The following TTC3 variants were observed in gnomAD, a reference collection of about 807,000 sequenced individuals.
The protein encoded by TTC3 is E3 ubiquitin-protein ligase TTC3.
Under a neutral mutation model 249.6 loss-of-function variants are expected in TTC3, and 180 were observed. That is an observed-to-expected ratio of 0.72 (90% CI 0.64 to 0.82). The LOEUF (loss-of-function observed/expected upper bound fraction) is 0.82, where lower values mean the gene tolerates loss of function less well. TTC3 is among the 40% of genes least tolerant of loss of function. The probability of loss-of-function intolerance (pLI) is 0.00; values close to 1 mark genes in which losing one functional copy is unlikely to be tolerated. For missense variants in TTC3, 2,061 were observed against 2,398.4 expected, an observed-to-expected ratio of 0.86 and a Z score of 2.94; for synonymous variants, 717 against 805.0, an observed-to-expected ratio of 0.89 and a Z score of 1.85.
chr21:37,098,175 C>T (rs2074131492), intron 10 of TTC3: 4 of 377,478 alleles, frequency 1.1e-5, no homozygotes, highest in Non-Finnish European at 1.9e-5. Flanking sequence ...TTGCTACTGG[C>T]TAGGTCCAGA....
intron 34 of TTC3, among the ~76,000 whole-genome samples, chr21:37,168,112 C>G (rs899218700): frequency 6.6e-6 from 1 of 152,194 alleles, no homozygotes; most frequent in African/African-American, 2.4e-5. Context: ...GTCTTATCAA[C>G]TCAAAGTTGC....
exon 6 of TTC3, chr21:37,090,246 T>C: frequency 6.2e-7 from 1 of 1,605,052 alleles, no homozygotes; most frequent in Middle Eastern, 1.7e-4. Context: ...GATTCATTCC[T>C]TATTGGAGGC....
chr21:37,160,502 A>G (rs1188869212), intron 29 of TTC3, among the ~76,000 whole-genome samples: 1 of 152,212 alleles, frequency 6.6e-6, no homozygotes, highest in Non-Finnish European at 1.5e-5. Flanking sequence ...CTATTATGGC[A>G]TCTAACTGGA....
At chr21:37,115,241 G>C (rs2076043501) in intron 11 of TTC3, among the ~76,000 whole-genome samples, 1 of 151,212 alleles carries the variant, frequency 6.6e-6, no homozygotes, top group Admixed American at 6.6e-5. Flanking sequence ...AAATTGTAGG[G>C]ATTTGGTACA....
chr21:37,111,079 G>A (rs969078122), intron 11 of TTC3, among the ~76,000 whole-genome samples: 28 of 152,168 alleles, frequency 1.8e-4, no homozygotes, highest in South Asian at 1.5e-3. Flanking sequence ...AGGAACAACC[G>A]GTACCAGCCA....
chr21:37,198,046 T>G, intron 44 of TTC3, 21 bp downstream of exon 44: 1 of 1,547,012 alleles, frequency 6.5e-7, no homozygotes, highest in African/African-American at 1.4e-5. Context: ...CTGTATAGTT[T>G]TGTTTTTTAA....
intron 15 of TTC3, among the ~76,000 whole-genome samples, chr21:37,126,775 G>A (rs900891796): frequency 6.6e-6 from 1 of 152,114 alleles, no homozygotes; most frequent in East Asian, 1.9e-4. Flanking sequence ...CTTCTTCCCG[G>A]TTCATAGATG....
chr21:37,123,479 A>G (rs188286994), intron 13 of TTC3, among the ~76,000 whole-genome samples: 1 of 152,216 alleles, frequency 6.6e-6, no homozygotes, highest in East Asian at 1.9e-4. Flanking sequence ...GATACTTCCT[A>G]TTAGAAATAG....
chr21:37,142,901 T>C (rs1488009642), intron 20 of TTC3, among the ~76,000 whole-genome samples: 6 of 152,228 alleles, frequency 3.9e-5, no homozygotes, highest in South Asian at 4.1e-4. Flanking sequence ...AACAGAGATA[T>C]AGACCAATGG....
intron 33 of TTC3, among the ~76,000 whole-genome samples, 184 bp from the exon 34 acceptor site, chr21:37,167,371 C>T (rs1793885): frequency 1 from 152,322 of 152,322 alleles, 76,161 homozygotes; most frequent in Non-Finnish European, 1. Flanking sequence ...ATAATCATTT[C>T]CAGATATGCT....
At chr21:37,164,423 C>T (rs2081064290) in intron 32 of TTC3, among the ~76,000 whole-genome samples, 1 of 151,584 alleles carries the variant, frequency 6.6e-6, no homozygotes, top group African/African-American at 2.4e-5. Flanking sequence ...ACTACAACCT[C>T]TGCCTCCCAG....
At chr21:37,201,815 T>C in exon 46 of TTC3, 1 of 528,132 alleles carries the variant, frequency 1.9e-6, no homozygotes. Context: ...TCACTGGGGC[T>C]GCGCAGGGCT....
At chr21:37,182,134 C>T (rs1173186836) in intron 35 of TTC3, among the ~76,000 whole-genome samples, 1 of 152,152 alleles carries the variant, frequency 6.6e-6, no homozygotes, top group Non-Finnish European at 1.5e-5. Flanking sequence ...ATGTGCCCCA[C>T]CCAAACCCCT....
intron 33 of TTC3, 88 bp from the exon 34 acceptor site, chr21:37,167,467 G>T: frequency 2.2e-6 from 2 of 920,740 alleles, no homozygotes; most frequent in Admixed American, 2.7e-5. Context: ...AAAAATTGTG[G>T]GTGTGTTTTA....
chr21:37,124,818 A>G, intron 14 of TTC3, 76 bp downstream of exon 14: 1 of 1,531,914 alleles, frequency 6.5e-7, no homozygotes, highest in Non-Finnish European at 8.8e-7. Flanking sequence ...TTTGGTGGTA[A>G]TAGAAACCAA....
chr21:37,083,250 G>T, intron 1 of TTC3: 1 of 985,434 alleles, frequency 1.0e-6, no homozygotes, highest in Non-Finnish European at 1.2e-6. Context: ...CTGGCTTCTA[G>T]GTTGTGTGTT....
At chr21:37,092,819 T>A in intron 7 of TTC3, among the ~76,000 whole-genome samples, 1 of 152,184 alleles carries the variant, frequency 6.6e-6, no homozygotes, top group Non-Finnish European at 1.5e-5. Context: ...TTTTGCCACT[T>A]TAAAATATCC....
chr21:37,130,800 C>CCTTCT, intron 16 of TTC3, among the ~76,000 whole-genome samples: 1 of 151,532 alleles, frequency 6.6e-6, no homozygotes, highest in African/African-American at 2.4e-5. Flanking sequence ...TCTTTTTCTT[C>CCTTCT]TTCCTTTGAG....
intron 3 of TTC3, 114 bp downstream of exon 3, chr21:37,087,989 C>A (rs2147666111): frequency 3.1e-6 from 3 of 980,034 alleles, no homozygotes; most frequent in Middle Eastern, 2.2e-4. Flanking sequence ...TGTATTCTTA[C>A]TAGTTTTTCA....
Sources: gnomAD v4.1 joint callset for allele counts (sites outside exome capture counted in the v4.1 genomes callset) on GRCh38, gnomAD v4.1.1 for gene constraint, MANE v1.5 for transcripts, NCBI Gene and HGNC (gene_info 2026-07-23, HGNC 2026-07-21) for gene names.